Variants in PCDHGB6 observed in about 807,000 individuals in gnomAD.
PCDHGB6 encodes the protein protocadherin gamma-B6.
PCDHGB6 carries 51 observed loss-of-function variants against 59.1 expected under a neutral mutation model. That is an observed-to-expected ratio of 0.86 (90% CI 0.69 to 1.09). The LOEUF is 1.09. PCDHGB6 is among the 50% of genes least tolerant of loss of function. PCDHGB6 has a pLI of 0.00. For missense variants in PCDHGB6, 1,148 were observed against 1,205.1 expected (o/e 0.95, Z 0.70); for synonymous variants, 466 against 495.1 (o/e 0.94, Z 0.78).
intron 2 of PCDHGB6, among the ~76,000 whole-genome samples, chr5:141,501,420 T>C (rs1429838126): frequency 6.6e-6 from 1 of 152,006 alleles, no homozygotes; most frequent in Non-Finnish European, 1.5e-5. Context: ...AATAGTTGAC[T>C]AAATGTAGTC....
intron 1 of PCDHGB6, chr5:141,428,225 A>G (rs775012950): frequency 4.3e-6 from 5 of 1,156,574 alleles, no homozygotes; most frequent in Non-Finnish European, 6.3e-6. Flanking sequence ...GTCTTCGCAG[A>G]CAGCCTGCAG....
At position 141,432,266 on chromosome 5, in the gene PCDHGB6, T is replaced by A. The variant is rs1444077446; in HGVS notation, c.2418+21646T>A. The A allele has an allele frequency of 9.3e-6, 15 of 1,614,096 alleles. No individual in the cohort carries two copies. Among genetic ancestry groups the A allele is most frequent in the Admixed American group, 3.3e-5 (2 of 60,010 alleles). The stretch of plus-strand genomic sequence containing the variant: ...CACCATCCAAGGGGCAAGCCTATCG[T>A]CCTACGTGTCCATCAACTCCGACAC... On this transcript the variant is annotated intron_variant, in intron 1 of 3. Transcript: ENST00000520790. The surrounding 1 kb of genome is among the most constrained non-coding windows in gnomAD (Gnocchi z 6.0).
chr5:141,413,328 C>G, intron 1 of PCDHGB6: 1 of 1,614,004 alleles, frequency 6.2e-7, no homozygotes, highest in Non-Finnish European at 8.5e-7. Context: ...TCGTGGGCAA[C>G]ATCTCCAAGG....
intron 2 of PCDHGB6, among the ~76,000 whole-genome samples, chr5:141,500,893 A>G (rs1393294152): frequency 1.1e-5 from 1 of 94,848 alleles, no homozygotes; most frequent in Non-Finnish European, 2.0e-5. Context: ...TTTTTTTGAG[A>G]CAGTCTCGCT....
rs920444759 is a variant in PCDHGB6, at chr5:141,432,767, C to G, written c.2418+22147C>G. On this transcript the variant is annotated intron_variant, in intron 1 of 3. Transcript: ENST00000520790. The surrounding 1 kb of genome is among the most constrained non-coding windows in gnomAD (Gnocchi z 6.0). ...CGTGGCCGTGGCCGACAGCATCCCC[C>G]AAGTCCTGGCGGACCTCGGCAGCCT... 2 of 1,614,058 alleles carry G rather than the reference C, an allele frequency of 1.2e-6. No individual in the cohort carries two copies. Among genetic ancestry groups the G allele is most frequent in the Admixed American group, 1.7e-5 (1 of 60,012 alleles).
At chr5:141,453,475 A>C (rs2098766452) in intron 1 of PCDHGB6, among the ~76,000 whole-genome samples, 1 of 151,996 alleles carries the variant, frequency 6.6e-6, no homozygotes, top group Non-Finnish European at 1.5e-5. Context: ...ATAAAGTCAA[A>C]ACTATTAAAA....
At position 141,486,427 on chromosome 5, in the gene PCDHGB6, A is replaced by T. The variant is rs775958317; in HGVS notation, c.2419-8380A>T. ...CTGGACCCTTGGATCGAGAGGCCAAATCTAGCTATGACATCATGGTCACTG... is the reference window on the plus strand; with the variant it reads ...CTGGACCCTTGGATCGAGAGGCCAATTCTAGCTATGACATCATGGTCACTG... On this transcript the variant is annotated intron_variant, in intron 1 of 3. Transcript: ENST00000520790. The surrounding 1 kb of genome is among the most constrained non-coding windows in gnomAD (Gnocchi z 5.0). 17 of 1,614,042 alleles carry T rather than the reference A, an allele frequency of 1.1e-5. No homozygotes were observed. The Admixed American group carries it at 2.8e-4, about 27-fold the overall frequency.
intron 1 of PCDHGB6, among the ~76,000 whole-genome samples, chr5:141,449,413 C>G (rs2098637966): frequency 6.6e-6 from 1 of 151,656 alleles, no homozygotes; most frequent in African/African-American, 2.4e-5. Flanking sequence ...TCAAGACCAG[C>G]CTGGCCAACA....
At chr5:141,412,527 A>G (rs1017506409) in intron 1 of PCDHGB6, 3 of 152,186 alleles carry the variant, frequency 2.0e-5, no homozygotes, top group Admixed American at 1.3e-4. Context: ...AGTAGTTACA[A>G]TTATAAAGCT....
intron 1 of PCDHGB6, among the ~76,000 whole-genome samples, chr5:141,452,145 C>T (rs1414317332): frequency 6.6e-6 from 1 of 152,020 alleles, no homozygotes; most frequent in Non-Finnish European, 1.5e-5. Flanking sequence ...GTGTTTTTTC[C>T]AATGAGTTAT....
At chr5:141,442,674 A>G (rs2098335634) in intron 1 of PCDHGB6, among the ~76,000 whole-genome samples, 1 of 152,272 alleles carries the variant, frequency 6.6e-6, no homozygotes, top group Non-Finnish European at 1.5e-5. Context: ...GGTGAGCTTG[A>G]GGGACAGTAG....
Position 141,485,784 on chromosome 5 carries a change from A to G in PCDHGB6, c.2419-9023A>G, listed in dbSNP as rs760859851. The G allele has an allele frequency of 1.9e-6, 3 of 1,614,096 alleles. No individual in the cohort carries two copies. The African/African-American group carries it at 4.0e-5, about 22-fold the overall frequency. On this transcript the variant is annotated intron_variant, in intron 1 of 3. Transcript: ENST00000520790. This position sits in a 1 kb window ranked among gnomAD's most constrained non-coding sequence, Gnocchi z 5.7. Reference sequence around the variant, plus strand: ...CTGGAGAAGCCTTTGGATCGAGAGAAGCAATCGGACTACCGCCTGGTGCTG... The same window carrying G: ...CTGGAGAAGCCTTTGGATCGAGAGAGGCAATCGGACTACCGCCTGGTGCTG...
In PCDHGB6 at chr5:141,409,289, G is replaced by A; in HGVS notation, c.1087G>A (p.Gly363Arg). The stretch of plus-strand genomic sequence containing the variant: ...TCAGATTTTGGAGAATTCACCTCCA[G>A]GAATGGTTGTTGCCCTCTTCAAAAC... ...SDQILENSPPGMVVALFKTRD... is the reference protein window; with the variant it reads ...SDQILENSPPRMVVALFKTRD... The change falls in exon 1 of 4, where the codon GGA (glycine) becomes AGA (arginine). Residue 363 changes from glycine (G) to arginine (R), a missense_variant. Transcript: ENST00000520790. 1.2e-6 allele frequency: 2 copies of A among 1,613,976 alleles called. No individual in the cohort carries two copies. Among genetic ancestry groups the A allele is most frequent in the Middle Eastern group, 1.6e-4 (1 of 6,062 alleles).
intron 1 of PCDHGB6, among the ~76,000 whole-genome samples, chr5:141,446,727 A>G (rs546345866): frequency 6.6e-6 from 1 of 152,258 alleles, no homozygotes; most frequent in African/African-American, 2.4e-5. Context: ...TCGGCCTCCC[A>G]AAGTGTGGGG....
At chr5:141,447,230 C>G (rs1309076828) in intron 1 of PCDHGB6, among the ~76,000 whole-genome samples, 1 of 152,132 alleles carries the variant, frequency 6.6e-6, no homozygotes, top group Non-Finnish European at 1.5e-5. Flanking sequence ...ACCTCCGCCT[C>G]CCGGGTTCAA....
At chr5:141,428,823 T>C (rs2097162740) in intron 1 of PCDHGB6, 1 of 152,274 alleles carries the variant, frequency 6.6e-6, no homozygotes, top group Non-Finnish European at 1.5e-5. Context: ...TTAGCTTTCA[T>C]GTATTTTTGA....
chr5:141,511,267 C>G lies in PCDHGB6; in HGVS notation c.*94C>G. The G allele has an allele frequency of 6.5e-7, 1 of 1,549,404 alleles. No homozygotes were observed. The highest frequency in any genetic ancestry group is 8.7e-7 in the Non-Finnish European group (1 of 1,146,836). On this transcript the variant is annotated 3_prime_UTR_variant, in exon 4 of 4. Coordinates refer to ENST00000520790, the MANE Select transcript of PCDHGB6 (RefSeq NM_018926.3). Reference sequence around the variant, plus strand: ...CCAGGCCTCAGAGTTTCAGGGCTAACCCCCAGAATACTGGTAGGGGCCAAG... The same window carrying G: ...CCAGGCCTCAGAGTTTCAGGGCTAAGCCCCAGAATACTGGTAGGGGCCAAG...
At chr5:141,495,274 G>A (rs1396412578) in intron 2 of PCDHGB6, among the ~76,000 whole-genome samples, 1 of 152,190 alleles carries the variant, frequency 6.6e-6, no homozygotes, top group Non-Finnish European at 1.5e-5. Context: ...TTGACCGGAG[G>A]AGGCGGTCCG....
Position 141,410,348 on chromosome 5 carries a change from C to T in PCDHGB6, c.2146C>T (p.Arg716Ter), listed in dbSNP as rs761119683. Reference sequence around the variant, plus strand: ...GATTCTGGCCATTGCCTTGCGCCTGCGACGCTCTCTCAGCCCTGCTACTTG... The same window carrying T: ...GATTCTGGCCATTGCCTTGCGCCTGTGACGCTCTCTCAGCCCTGCTACTTG... ...AVILAIALRL[R>*]RSLSPATWDC... The change falls in exon 1 of 4, where the codon CGA becomes TGA. Residue 716 changes from arginine (R) to a stop codon, truncating the protein, a stop_gained. Coordinates refer to ENST00000520790, the MANE Select transcript of PCDHGB6 (RefSeq NM_018926.3). LOFTEE classifies it high-confidence loss of function. The T allele has an allele frequency of 1.9e-6, 3 of 1,614,034 alleles. No homozygotes were observed. The highest frequency in any genetic ancestry group is 2.2e-5 in the East Asian group (1 of 44,878).
Sources: allele counts gnomAD v4.1 joint callset (sites outside exome capture counted in the v4.1 genomes callset), GRCh38; gene constraint gnomAD v4.1.1; non-coding constraint Gnocchi (gnomAD v3.1); transcripts MANE v1.5; gene names NCBI Gene and HGNC (gene_info 2026-07-23, HGNC 2026-07-21).